The following GDF1 variants were observed in gnomAD, a reference collection of about 807,000 sequenced individuals.
The protein encoded by GDF1 is embryonic growth/differentiation factor 1.
Under a neutral mutation model 7.4 loss-of-function variants are expected in GDF1, and 8 were observed. The ratio of observed to expected loss-of-function variants is 1.09; its 90% CI spans 0.64 to 1.96. The LOEUF (loss-of-function observed/expected upper bound fraction) is 1.96. Ranked by LOEUF, GDF1 falls within the 30% of genes most tolerant of loss-of-function variation. The pLI, the probability that GDF1 is intolerant of heterozygous loss-of-function variation, is 0.00. For missense variants in GDF1, 574 were observed against 551.5 expected (o/e 1.04, Z -0.41); for synonymous variants, 311 against 276.7 (o/e 1.12, Z -1.23).
At chr19:18,882,483 A>C (rs975514548) in intron 3 of GDF1, among the ~76,000 whole-genome samples, 1 of 151,304 alleles carries the variant, frequency 6.6e-6, no homozygotes, top group African/African-American at 2.4e-5. Flanking sequence ...AAATATAATA[A>C]TTAGCCGGTG....
chr19:18,877,863 CCT>C lies in GDF1; in HGVS notation c.-313+1065_-313+1066del, dbSNP rs200414993. The C allele has an allele frequency of 3.5e-3, 2,144 of 618,812 alleles. 35 individuals carry two copies. In the African/African-American group the frequency reaches 0.038, roughly 11 times the overall value. The allele number at this position is 618,812 out of a possible 1,614,324, so 38.3% of individuals were successfully genotyped here. On this transcript the variant is annotated intron_variant, in intron 6 of 7. Transcript: ENST00000247005. ...CCGCATCTGCCAGAACCCATGTGAC[CCT>C]CTGCCCCAATCCCATCTCAGTCAAT...
intron 6 of GDF1, among the ~76,000 whole-genome samples, chr19:18,874,494 C>CAG (rs1350775738): frequency 2.0e-5 from 3 of 152,126 alleles, no homozygotes; most frequent in Non-Finnish European, 4.4e-5. Context: ...GCTGCAGGGG[C>CAG]AGTGGCAGGT....
intron 2 of GDF1, among the ~76,000 whole-genome samples, chr19:18,888,889 C>CTTTTTTTTT (rs756124590): frequency 7.3e-5 from 9 of 122,918 alleles, no homozygotes; most frequent in Non-Finnish European, 8.6e-5. Context: ...TTCTTTCTTT[C>CTTTTTTTTT]TTTTTTTTTT....
At chr19:18,877,913 G>A (rs973023072) in intron 6 of GDF1, 7 of 958,396 alleles carry the variant, frequency 7.3e-6, no homozygotes, top group Non-Finnish European at 8.7e-6. Flanking sequence ...CAAAAGTCTT[G>A]AGTCGTCTTT....
Position 18,878,984 on chromosome 19 carries a change from T to C in GDF1, c.-367A>G. 1 of 1,613,710 alleles carries C rather than the reference T, an allele frequency of 6.2e-7. No individual in the cohort carries two copies. The highest frequency in any genetic ancestry group is 1.1e-5 in the South Asian group (1 of 91,088). On this transcript the variant is annotated 5_prime_UTR_variant, in exon 6 of 8. Transcript: ENST00000247005. The surrounding 1 kb of genome is among the most constrained non-coding windows in gnomAD (Gnocchi z 4.6). ...CTCGGCTGTGTCATACTCCCGCAGG[T>C]CCTTCAGCTCGTGCACCTGGCCTGT...
intron 3 of GDF1, among the ~76,000 whole-genome samples, chr19:18,880,937 G>A (rs1224042890): frequency 2.0e-5 from 3 of 152,148 alleles, no homozygotes; most frequent in Admixed American, 6.5e-5. Context: ...GGGCTCAAGC[G>A]ATCTTCTCAC....
chr19:18,868,940 A>G lies in GDF1; in HGVS notation c.776T>C (p.Leu259Ser). 1 of 1,275,714 alleles carries G rather than the reference A, an allele frequency of 7.8e-7. No homozygotes were observed. Among genetic ancestry groups the G allele is most frequent in the Non-Finnish European group, 9.9e-7 (1 of 1,005,070 alleles). 79.0% of individuals were successfully genotyped at this position (1,275,714 alleles called of 1,614,324 possible). ...ACAAGCGCCCCCGGGGCCGCCGCCC[A>G]ACACGGGTTCGGCGTCGCGCCGCGG... The part of the protein sequence containing the change: ...ARPRRDAEPV[L>S]GGGPGGACRA... Residue 259 changes from leucine (L) to serine (S), a missense_variant, in exon 8 of 8, where the codon TTG (leucine) becomes TCG (serine). Transcript: ENST00000247005.
Position 18,895,763 on chromosome 19 carries a change from T to C in GDF1, c.-1074+61A>G. 1.0e-6 allele frequency: 1 copy of C among 961,714 alleles called. No individual in the cohort carries two copies. The highest frequency in any genetic ancestry group is 5.2e-5 in the Admixed American group (1 of 19,138). The allele number at this position is 961,714 out of a possible 1,614,324, so 59.6% of individuals were successfully genotyped here. ...AAAGGAACGCGCCGGCGGCCCCAGG[T>C]CCCCGGTCCCGGCTTCCCCCAGTCC... On this transcript the variant is annotated intron_variant, in intron 1 of 7. Coordinates refer to ENST00000247005, the MANE Select transcript of GDF1 (RefSeq NM_001492.6). The surrounding 1 kb of genome is among the most constrained non-coding windows in gnomAD (Gnocchi z 6.4).
At chr19:18,871,951 C>T (rs2055978316) in intron 6 of GDF1, among the ~76,000 whole-genome samples, 1 of 152,224 alleles carries the variant, frequency 6.6e-6, no homozygotes, top group African/African-American at 2.4e-5. Flanking sequence ...TGCATCGACA[C>T]CTTTGGTATA....
intron 3 of GDF1, among the ~76,000 whole-genome samples, chr19:18,882,745 T>A (rs958328006): frequency 6.6e-6 from 1 of 151,944 alleles, no homozygotes; most frequent in African/African-American, 2.4e-5. Flanking sequence ...CAGGCTGGAG[T>A]GCAGTGGCAT....
intron 6 of GDF1, among the ~76,000 whole-genome samples, chr19:18,873,494 T>C (rs183311443): frequency 3.2e-4 from 49 of 151,228 alleles, no homozygotes; most frequent in African/African-American, 1.1e-3. Flanking sequence ...CCTAGGAGTT[T>C]GAGATCAGCC....
intron 4 of GDF1, 121 bp from the exon 5 acceptor site, chr19:18,879,509 A>C: frequency 8.6e-7 from 1 of 1,167,508 alleles, no homozygotes; most frequent in African/African-American, 1.6e-5. Flanking sequence ...ACCTCTGCCC[A>C]CCTGTTTCTA....
In GDF1 at chr19:18,878,233, G is replaced by A. The variant is rs1038534561; in HGVS notation, c.-313+697C>T. 5.1e-6 allele frequency: 5 copies of A among 985,466 alleles called. No homozygotes were observed. The highest frequency in any genetic ancestry group is 3.5e-5 in the African/African-American group (2 of 57,146). The allele number at this position is 985,466 out of a possible 1,614,324, so 61.0% of individuals were successfully genotyped here. On this transcript the variant is annotated intron_variant, in intron 6 of 7. Coordinates refer to ENST00000247005, the MANE Select transcript of GDF1 (RefSeq NM_001492.6). This position sits in a 1 kb window ranked among gnomAD's most constrained non-coding sequence, Gnocchi z 4.6. ...CAAACACTCCTCACGTTGCCTATGA[G>A]ACACTGCACACCCGACTCTGCTTGT...
Position 18,884,198 on chromosome 19 carries a change from C to T in GDF1, c.-844G>A. On this transcript the variant is annotated 5_prime_UTR_variant, in exon 3 of 8. Coordinates refer to ENST00000247005, the MANE Select transcript of GDF1 (RefSeq NM_001492.6). ...GTATAGCGTAGCGTAGATGGAGTGG[C>T]CATAGAAGCTTCCCTGGAGCAGGTA... 1 of 1,613,654 alleles carries T rather than the reference C, an allele frequency of 6.2e-7. No homozygotes were observed.
Position 18,869,468 on chromosome 19 carries a change from G to A in GDF1, c.326-78C>T, listed in dbSNP as rs1446499973. 3 of 1,469,406 alleles carry A rather than the reference G, an allele frequency of 2.0e-6. No individual in the cohort carries two copies. The African/African-American group carries it at 4.3e-5, about 21-fold the overall frequency. The allele number at this position is 1,469,406 out of a possible 1,614,324, so 91.0% of individuals were successfully genotyped here. A position where few individuals can be genotyped will look rare whatever the true frequency, so the allele number is the denominator to read the frequency against. Reference sequence around the variant, plus strand: ...TGGGGTCTCGGTTAGGGACAGGGAGGAAGGTGAACGCTGGGGCTCGGGGCG... The same window carrying A: ...TGGGGTCTCGGTTAGGGACAGGGAGAAAGGTGAACGCTGGGGCTCGGGGCG... On this transcript the variant is annotated intron_variant, in intron 7 of 7. Transcript: ENST00000247005.
At chr19:18,883,426 G>A (rs566888933) in intron 3 of GDF1, 4 of 152,298 alleles carry the variant, frequency 2.6e-5, no homozygotes, top group East Asian at 1.9e-4. Flanking sequence ...CCCACACTTC[G>A]GGGAGCTGAG....
intron 5 of GDF1, 70 bp downstream of exon 5, chr19:18,879,171 C>T (rs1203028529): frequency 6.2e-6 from 10 of 1,603,300 alleles, no homozygotes; most frequent in Non-Finnish European, 8.5e-6. Context: ...CCCGGGACTG[C>T]CTGAGGAGGG....
chr19:18,879,067 G>T, intron 5 of GDF1, 28 bp from the exon 6 acceptor site: 1 of 1,609,952 alleles, frequency 6.2e-7, no homozygotes. Context: ...AGGTGCCAGT[G>T]AGAAGAAAGC....
intron 2 of GDF1, among the ~76,000 whole-genome samples, chr19:18,891,384 C>T (rs1190833854): frequency 6.6e-6 from 1 of 152,152 alleles, no homozygotes; most frequent in Non-Finnish European, 1.5e-5. Context: ...AGAGAAGCCG[C>T]AGCCCCCACT....
Sources: allele counts gnomAD v4.1 joint callset (sites outside exome capture counted in the v4.1 genomes callset), GRCh38; gene constraint gnomAD v4.1.1; non-coding constraint Gnocchi (gnomAD v3.1); transcripts MANE v1.5; gene names NCBI Gene and HGNC (gene_info 2026-07-23, HGNC 2026-07-21).